The following ICE1 variants were observed in gnomAD, a reference collection of about 807,000 sequenced individuals.
The protein encoded by ICE1 is little elongation complex subunit 1.
A neutral mutation model predicts 192.7 loss-of-function variants in ICE1; 64 were observed. The ratio of observed to expected loss-of-function variants is 0.33; its 90% CI spans 0.27 to 0.41. ICE1 has a LOEUF of 0.41. ICE1 is among the 10% of genes least tolerant of loss of function. The pLI is 1.00. For synonymous variants in ICE1, 1,010 were observed against 984.5 expected (o/e 1.03, Z -0.49); for missense variants, 2,708 against 2,696.0 (o/e 1.00, Z -0.10).
rs139578407 is a variant in ICE1, at chr5:5,450,857, A to G, written c.604+2960A>G. Among the ~76,000 whole-genome samples the G allele has an allele frequency of 8.1e-3, 1,238 of 152,266 alleles. 9 individuals are homozygous for G. Among genetic ancestry groups the G allele is most frequent in the Non-Finnish European group, 0.013 (892 of 68,004 alleles). On this transcript the variant is annotated intron_variant, in intron 10 of 18. Transcript: ENST00000296564. ...TGTCAAGCAATACTCTTGGAAATCT[A>G]GGGGGACTGGCCAAATCTATTTTCG...
intron 13 of ICE1, among the ~76,000 whole-genome samples, chr5:5,465,957 A>G (rs1252448926): frequency 6.6e-6 from 1 of 152,220 alleles, no homozygotes; most frequent in Non-Finnish European, 1.5e-5. Context: ...GAAAACAAGA[A>G]TGAGAGTAGA....
In ICE1 at chr5:5,463,258, G is replaced by T; in HGVS notation, c.3924G>T (p.Thr1308=). The T allele has an allele frequency of 6.2e-7, 1 of 1,613,056 alleles. No homozygotes were observed. The highest frequency in any genetic ancestry group is 1.1e-5 in the South Asian group (1 of 90,716). ...NLKEKSPFRE[T]TGSSSHASEP... ...AAGAGAAAAGTCCATTTCGGGAAACGACTGGCTCCTCATCACATGCTTCAG... is the reference window on the plus strand; with the variant it reads ...AAGAGAAAAGTCCATTTCGGGAAACTACTGGCTCCTCATCACATGCTTCAG... Residue 1308 remains threonine (T), a synonymous_variant, in exon 13 of 19, where the codon ACG becomes ACT. Transcript: ENST00000296564.
At chr5:5,459,024 C>T (rs559778390) in intron 12 of ICE1, among the ~76,000 whole-genome samples, 3 of 152,256 alleles carry the variant, frequency 2.0e-5, no homozygotes, top group African/African-American at 4.8e-5. Context: ...AGGCGCCCGC[C>T]ACCATGCCTG....
Position 5,462,238 on chromosome 5 carries a change from C to G in ICE1, c.2904C>G (p.Asn968Lys). 1 of 1,611,550 alleles carries G rather than the reference C, an allele frequency of 6.2e-7. No homozygotes were observed. Among genetic ancestry groups the G allele is most frequent in the South Asian group, 1.1e-5 (1 of 90,818 alleles). Residue 968 changes from asparagine to lysine, a missense_variant, in exon 13 of 19, where the codon AAC (asparagine) becomes AAG (lysine). By Grantham distance (94) the Asn-to-Lys change is moderately conservative. Transcript: ENST00000296564. ...SFSPENILIQ[N>K]QDIVREAAVQ... Reference sequence around the variant, plus strand: ...CTCCTGAAAATATCCTCATCCAAAACCAAGACATTGTGAGAGAAGCTGCAG... The same window carrying G: ...CTCCTGAAAATATCCTCATCCAAAAGCAAGACATTGTGAGAGAAGCTGCAG...
chr5:5,462,604 G>T lies in ICE1; in HGVS notation c.3270G>T (p.Leu1090=). 1 of 1,613,968 alleles carries T rather than the reference G, an allele frequency of 6.2e-7. No individual in the cohort carries two copies. Among genetic ancestry groups the T allele is most frequent in the Non-Finnish European group, 8.5e-7 (1 of 1,179,884 alleles). The part of the protein sequence containing the change: ...GETQDTSQSS[L]PGTLHCYTGI... ...CACAGGATACCTCCCAAAGTAGCCT[G>T]CCTGGTACCTTACATTGTTACACAG... Residue 1090 remains leucine (L), a synonymous_variant, in exon 13 of 19, where the codon CTG becomes CTT. Transcript: ENST00000296564.
At chr5:5,451,811 C>G (rs2111362833) in intron 10 of ICE1, among the ~76,000 whole-genome samples, 1 of 152,186 alleles carries the variant, frequency 6.6e-6, no homozygotes, top group East Asian at 1.9e-4. Flanking sequence ...AGGAATGTTT[C>G]CATTTTATTC....
chr5:5,445,538 T>A (rs957679273), intron 7 of ICE1, among the ~76,000 whole-genome samples: 25 of 151,864 alleles, frequency 1.6e-4, no homozygotes, highest in Admixed American at 1.6e-3. Flanking sequence ...TTTAAGAGTT[T>A]CTCCCACCTC....
chr5:5,436,049 AT>A (rs1322695117), intron 1 of ICE1, among the ~76,000 whole-genome samples: 2 of 151,842 alleles, frequency 1.3e-5, no homozygotes, highest in Non-Finnish European at 2.9e-5. Context: ...TTTTGTTGTT[AT>A]TTTTTATGAT....
In ICE1 at chr5:5,461,539, A is replaced by G; in HGVS notation, c.2205A>G (p.Ile735Met). The G allele has an allele frequency of 6.2e-7, 1 of 1,613,404 alleles. No individual in the cohort carries two copies. Among genetic ancestry groups the G allele is most frequent in the Non-Finnish European group, 8.5e-7 (1 of 1,179,580 alleles). The change falls in exon 13 of 19, where the codon ATA becomes ATG. Residue 735 changes from isoleucine to methionine, a missense_variant. Physicochemically the swap from Ile to Met is conservative, Grantham distance 10. This residue lies in a region of ICE1 where 2,366 missense variants were observed against 2,276.6 expected (regional missense o/e 1.04). Transcript: ENST00000296564. ...YTKVVKGLTK[I>M]HSLPRSVFMK... Reference sequence around the variant, plus strand: ...AAGTAGTAAAAGGCTTGACCAAAATACATTCACTTCCTCGGTCAGTATTTA... The same window carrying G: ...AAGTAGTAAAAGGCTTGACCAAAATGCATTCACTTCCTCGGTCAGTATTTA...
At chr5:5,434,926 A>G (rs1737825874) in intron 1 of ICE1, among the ~76,000 whole-genome samples, 1 of 152,228 alleles carries the variant, frequency 6.6e-6, no homozygotes, top group Non-Finnish European at 1.5e-5. Flanking sequence ...TCTATTGACT[A>G]TTCCAAATTC....
In ICE1 at chr5:5,461,641, A is replaced by G. The variant is rs748224429; in HGVS notation, c.2307A>G (p.Thr769=). 1.2e-6 allele frequency: 2 copies of G among 1,613,626 alleles called. No individual in the cohort carries two copies. The highest frequency in any genetic ancestry group is 1.7e-6 in the Non-Finnish European group (2 of 1,179,804). ...IELTLNKPDF[T]SLIGSQAALI... is the part of the protein sequence containing the mutation. ...TCACACTAAATAAGCCAGATTTCACATCATTAATAGGTTCTCAGGCTGCCT... is the reference window on the plus strand; with the variant it reads ...TCACACTAAATAAGCCAGATTTCACGTCATTAATAGGTTCTCAGGCTGCCT... The change falls in exon 13 of 19, where the codon ACA becomes ACG. Residue 769 remains threonine, a synonymous_variant. Coordinates refer to ENST00000296564, the MANE Select transcript of ICE1 (RefSeq NM_015325.3).
intron 5 of ICE1, among the ~76,000 whole-genome samples, chr5:5,442,824 G>A (rs147399992): frequency 6.6e-5 from 10 of 152,226 alleles, no homozygotes; most frequent in Admixed American, 3.3e-4. Context: ...TAGCAATACC[G>A]TTAGCTCATA....
intron 11 of ICE1, among the ~76,000 whole-genome samples, chr5:5,455,598 T>C (rs1166406440): frequency 1.3e-5 from 2 of 152,238 alleles, no homozygotes; most frequent in Non-Finnish European, 2.9e-5. Context: ...TTTAAAAATA[T>C]GCTTTTGAGG....
At chr5:5,423,119 C>T (rs756320450) in intron 1 of ICE1, 120 bp downstream of exon 1, 5 of 496,976 alleles carry the variant, frequency 1.0e-5, no homozygotes, top group Admixed American at 4.5e-5. Flanking sequence ...CCCTTCCCAA[C>T]CGTAGCTCTT....
At chr5:5,487,749 G>A (rs1368944024) in intron 18 of ICE1, among the ~76,000 whole-genome samples, 2 of 152,214 alleles carry the variant, frequency 1.3e-5, no homozygotes, top group Non-Finnish European at 2.9e-5. Flanking sequence ...ATACTACAGT[G>A]GGTGTAACCT....
At chr5:5,437,970 ATTT>A (rs1201371115) in intron 3 of ICE1, 1 of 152,180 alleles carries the variant, frequency 6.6e-6, no homozygotes, top group Non-Finnish European at 1.5e-5. Flanking sequence ...TCAGTTATTT[ATTT>A]GTGTTGGTAC....
chr5:5,473,122 TAAG>T (rs1316045308), intron 15 of ICE1, among the ~76,000 whole-genome samples: 1 of 152,178 alleles, frequency 6.6e-6, no homozygotes, highest in Non-Finnish European at 1.5e-5. Flanking sequence ...AAGCCAGAAA[TAAG>T]AATTCATTAC....
chr5:5,454,402 T>A (rs1433269209), intron 10 of ICE1, 150 bp from the exon 11 acceptor site: 2 of 496,220 alleles, frequency 4.0e-6, no homozygotes, highest in Non-Finnish European at 7.3e-6. Context: ...TATCAGTAAC[T>A]GACTGTATTG....
intron 14 of ICE1, among the ~76,000 whole-genome samples, chr5:5,467,091 C>G (rs1467401787): frequency 1.3e-5 from 2 of 152,164 alleles, no homozygotes; most frequent in Non-Finnish European, 2.9e-5. Flanking sequence ...CATTTACCAT[C>G]TTTGACTACC....
Sources: gnomAD v4.1 joint callset for allele counts (sites outside exome capture counted in the v4.1 genomes callset) on GRCh38, gnomAD v4.1.1 for gene constraint, gnomAD v4.1.1 regional missense constraint, MANE v1.5 for transcripts, NCBI Gene and HGNC (gene_info 2026-07-23, HGNC 2026-07-21) for gene names.